The following CABLES1 variants were observed in gnomAD, a reference collection of about 807,000 sequenced individuals.
CABLES1 encodes the protein Cdk5 and Abl enzyme substrate 1, also known as CDK5 and ABL1 enzyme substrate 1.
In CABLES1, 36 loss-of-function variants were observed where a neutral mutation model predicts 57.8. That is an observed-to-expected ratio of 0.62 (90% CI 0.48 to 0.82). CABLES1 has a LOEUF of 0.82. CABLES1 is among the 40% of genes least tolerant of loss of function. CABLES1 has a pLI of 0.00. For missense variants in CABLES1, 767 were observed against 836.6 expected (o/e 0.92, Z 1.03); for synonymous variants, 374 against 363.0 (o/e 1.03, Z -0.35).
In CABLES1 at chr18:23,246,642, T is replaced by C. The variant is rs542903894; in HGVS notation, c.1447-6318T>C. Among the ~76,000 whole-genome samples, 300 of 151,786 alleles carry C rather than the reference T, an allele frequency of 2.0e-3. 5 individuals carry two copies. The highest frequency in any genetic ancestry group is 4.5e-3 in the African/African-American group (187 of 41,182). On this transcript the variant is annotated intron_variant, in intron 7 of 9. Coordinates refer to ENST00000256925, the MANE Select transcript of CABLES1 (RefSeq NM_001100619.3). Reference sequence around the variant, plus strand: ...TCCTGACCTTGTGATCCGCCCACCTTGGCCTCCCAAAGTGCTGGGATTATA... The same window carrying C: ...TCCTGACCTTGTGATCCGCCCACCTCGGCCTCCCAAAGTGCTGGGATTATA...
At chr18:23,226,362 A>G (rs2047527706) in intron 4 of CABLES1, among the ~76,000 whole-genome samples, 1 of 150,718 alleles carries the variant, frequency 6.6e-6, no homozygotes, top group African/African-American at 2.5e-5. Context: ...AGATCGTGCC[A>G]TTGCACTCCA....
chr18:23,246,595 G>T (rs1009094861), intron 7 of CABLES1, among the ~76,000 whole-genome samples: 8 of 151,924 alleles, frequency 5.3e-5, no homozygotes, highest in Non-Finnish European at 8.8e-5. Flanking sequence ...GTTTCACCGT[G>T]TTAGCCAGGA....
At chr18:23,217,039 G>A (rs2047447175) in intron 4 of CABLES1, among the ~76,000 whole-genome samples, 1 of 152,140 alleles carries the variant, frequency 6.6e-6, no homozygotes, top group African/African-American at 2.4e-5. Flanking sequence ...TTTTATAGAT[G>A]AGGAAACCAA....
Position 23,257,396 on chromosome 18 carries a change from T to C in CABLES1, c.*29T>C. ...TGGCCCCGAGGACAGCCAAGGGCCA[T>C]TTCTTCTCAGCTTGGTGGAGCAGCA... is the stretch of plus-strand genomic sequence containing the variant. On this transcript the variant is annotated 3_prime_UTR_variant, in exon 10 of 10. Transcript: ENST00000256925. 6.4e-7 allele frequency: 1 copy of C among 1,559,902 alleles called. No homozygotes were observed. Among genetic ancestry groups the C allele is most frequent in the Non-Finnish European group, 8.6e-7 (1 of 1,159,202 alleles).
chr18:23,184,737 T>C (rs561165714), intron 1 of CABLES1, among the ~76,000 whole-genome samples: 57 of 152,140 alleles, frequency 3.7e-4, no homozygotes, highest in African/African-American at 1.3e-3. Context: ...TAAAGAAATG[T>C]ATTTTCTCAC....
At chr18:23,175,610 G>T (rs1472296876) in intron 1 of CABLES1, among the ~76,000 whole-genome samples, 1 of 152,110 alleles carries the variant, frequency 6.6e-6, no homozygotes, top group Non-Finnish European at 1.5e-5. Flanking sequence ...ACCACACCAA[G>T]CTAATTTTCA....
intron 1 of CABLES1, among the ~76,000 whole-genome samples, chr18:23,168,177 C>T (rs1225547477): frequency 6.6e-6 from 1 of 152,178 alleles, no homozygotes; most frequent in Non-Finnish European, 1.5e-5. Flanking sequence ...TCATGGCAAC[C>T]TTAGTCACAA....
At position 23,257,556 on chromosome 18, in the gene CABLES1, G is replaced by T. The variant is rs2145148922; in HGVS notation, c.*189G>T. The T allele has an allele frequency of 7.0e-6, 4 of 571,366 alleles. No homozygotes were observed. In the East Asian group the frequency reaches 9.9e-5, roughly 14 times the overall value. The allele number at this position is 571,366 out of a possible 1,614,324, so 35.4% of individuals were successfully genotyped here. On this transcript the variant is annotated 3_prime_UTR_variant, in exon 10 of 10. Transcript: ENST00000256925. ...GGTGTGTAGCCAAGAGGAGCCATGAGCTATGGACTCCTCAAGCACGGGAAG... is the reference window on the plus strand; with the variant it reads ...GGTGTGTAGCCAAGAGGAGCCATGATCTATGGACTCCTCAAGCACGGGAAG...
chr18:23,192,266 A>T (rs1364821739), intron 2 of CABLES1, among the ~76,000 whole-genome samples: 1 of 152,252 alleles, frequency 6.6e-6, no homozygotes, highest in African/African-American at 2.4e-5. Flanking sequence ...CGTGGCTGCC[A>T]TCGGCACCTG....
At chr18:23,154,094 T>G (rs1489916132) in intron 1 of CABLES1, among the ~76,000 whole-genome samples, 1 of 151,864 alleles carries the variant, frequency 6.6e-6, no homozygotes, top group African/African-American at 2.4e-5. Context: ...ACACATATAG[T>G]CTTCTAATTA....
chr18:23,160,485 C>T (rs1218709659), intron 1 of CABLES1, among the ~76,000 whole-genome samples: 5 of 152,292 alleles, frequency 3.3e-5, no homozygotes, highest in South Asian at 2.1e-4. Flanking sequence ...CTGTGTGCAG[C>T]GCCTGCCTCA....
intron 6 of CABLES1, among the ~76,000 whole-genome samples, chr18:23,236,281 C>T (rs1328151370): frequency 6.6e-6 from 1 of 152,188 alleles, no homozygotes; most frequent in East Asian, 1.9e-4. Context: ...CGTGGAGAGA[C>T]GCCAAGGCCG....
upstream of CABLES1, among the ~76,000 whole-genome samples, chr18:23,134,879 G>T (rs989557485): frequency 2.0e-5 from 3 of 152,158 alleles, no homozygotes; most frequent in East Asian, 5.8e-4. Context: ...CCCGGGGGCT[G>T]CATCCTTGGC....
rs79298347 is a variant in CABLES1, at chr18:23,194,231, A to G, written c.918-217A>G. ...TAGTTGGCTTTTTAGAGACCCATGTAAAATAATAACAGTATTATCAAGAAG... is the reference window on the plus strand; with the variant it reads ...TAGTTGGCTTTTTAGAGACCCATGTGAAATAATAACAGTATTATCAAGAAG... On this transcript the variant is annotated intron_variant, in intron 2 of 9. Coordinates refer to ENST00000256925, the MANE Select transcript of CABLES1 (RefSeq NM_001100619.3). Among the ~76,000 whole-genome samples, 957 of 152,302 alleles carry G rather than the reference A, an allele frequency of 6.3e-3. 9 individuals carry two copies. The highest frequency in any genetic ancestry group is 0.022 in the African/African-American group (910 of 41,556).
chr18:23,147,324 C>T (rs912575043), intron 1 of CABLES1, among the ~76,000 whole-genome samples: 4 of 152,248 alleles, frequency 2.6e-5, no homozygotes, highest in African/African-American at 9.6e-5. Context: ...TTTTGGACAA[C>T]ACGCTTAACC....
At chr18:23,237,985 A>T (rs1395720517) in intron 7 of CABLES1, among the ~76,000 whole-genome samples, 1 of 152,170 alleles carries the variant, frequency 6.6e-6, no homozygotes, top group Non-Finnish European at 1.5e-5. Flanking sequence ...TGCCATGCAC[A>T]GCATCAGGTG....
intron 1 of CABLES1, among the ~76,000 whole-genome samples, chr18:23,177,905 G>A (rs1210332406): frequency 1.3e-5 from 2 of 152,162 alleles, no homozygotes; most frequent in East Asian, 1.9e-4. Flanking sequence ...CTCCTTGCCC[G>A]GCTCAGGGAA....
intron 1 of CABLES1, among the ~76,000 whole-genome samples, chr18:23,187,099 AC>A (rs1445183167): frequency 1.3e-5 from 2 of 152,166 alleles, no homozygotes; most frequent in African/African-American, 4.8e-5. Context: ...TGAACTGGCT[AC>A]CTGTAAAATC....
rs141089002 is a variant in CABLES1 at position 23,150,468 on chromosome 18, G to A, written c.845+13861G>A. ...CCTGACCTCGTGATCCGCCCACCTCGGCCTCCCAAAGTGCTGGGATTACAG... is the reference window on the plus strand; with the variant it reads ...CCTGACCTCGTGATCCGCCCACCTCAGCCTCCCAAAGTGCTGGGATTACAG... On this transcript the variant is annotated intron_variant, in intron 1 of 9. Coordinates refer to ENST00000256925, the MANE Select transcript of CABLES1 (RefSeq NM_001100619.3). 4.9e-3 allele frequency among the ~76,000 whole-genome samples: 747 copies of A among 152,064 alleles called. 4 individuals are homozygous for A. Among genetic ancestry groups the A allele is most frequent in the African/African-American group, 0.017 (707 of 41,454 alleles).
Sources: gnomAD v4.1 joint callset for allele counts (sites outside exome capture counted in the v4.1 genomes callset) on GRCh38, gnomAD v4.1.1 for gene constraint, MANE v1.5 for transcripts, NCBI Gene and HGNC (gene_info 2026-07-23, HGNC 2026-07-21) for gene names.